Variants in UNC93A observed in about 807,000 individuals in gnomAD.
The protein encoded by UNC93A is unc-93 homolog A.
A neutral mutation model predicts 47.5 loss-of-function variants in UNC93A; 43 were observed. That is an observed-to-expected ratio of 0.91 (90% CI 0.71 to 1.17). The LOEUF is 1.17. UNC93A is among the 50% of genes most tolerant of loss of function. The pLI, the probability that UNC93A is intolerant of heterozygous loss-of-function variation, is 0.00. For synonymous variants in UNC93A, 280 were observed against 258.0 expected (o/e 1.09, Z -0.82); for missense variants, 605 against 577.6 (o/e 1.05, Z -0.49).
intron 1 of UNC93A, among the ~76,000 whole-genome samples, chr6:167,280,080 A>G (rs2346168): frequency 6.6e-6 from 1 of 152,168 alleles, no homozygotes; most frequent in Non-Finnish European, 1.5e-5. Flanking sequence ...TTTAGTTCCT[A>G]TCACTGGCCT....
intron 3 of UNC93A, among the ~76,000 whole-genome samples, chr6:167,297,664 A>C (rs1778126006): frequency 6.6e-6 from 1 of 152,202 alleles, no homozygotes; most frequent in Admixed American, 6.5e-5. Context: ...AAAAGCAGTA[A>C]AACAAGTAAC....
intron 1 of UNC93A, among the ~76,000 whole-genome samples, chr6:167,283,471 GA>G (rs1302314292): frequency 1.3e-5 from 2 of 152,174 alleles, no homozygotes; most frequent in Non-Finnish European, 2.9e-5. Context: ...TGGCTGAAAA[GA>G]GGGGTCCATT....
intron 6 of UNC93A, 145 bp downstream of exon 6, chr6:167,306,195 C>T: frequency 8.4e-7 from 1 of 1,191,294 alleles, no homozygotes; most frequent in Non-Finnish European, 1.2e-6. Flanking sequence ...TTCATTCTTT[C>T]AGTCCTTTCT....
chr6:167,270,915 C>T (rs62437259), upstream of UNC93A, among the ~76,000 whole-genome samples: 42,376 of 152,042 alleles, frequency 0.28, 6,080 homozygotes, highest in Non-Finnish European at 0.31. Context: ...CCTGTTGTGG[C>T]GACCTCAAGA....
intron 1 of UNC93A, among the ~76,000 whole-genome samples, chr6:167,275,193 G>A (rs891792296): frequency 6.6e-6 from 1 of 152,154 alleles, no homozygotes; most frequent in Non-Finnish European, 1.5e-5. Flanking sequence ...CTGGTTGCCT[G>A]CGAAACTCTG....
intron 5 of UNC93A, among the ~76,000 whole-genome samples, chr6:167,305,436 G>A (rs1031421036): frequency 6.6e-6 from 1 of 152,194 alleles, no homozygotes; most frequent in Admixed American, 6.5e-5. Flanking sequence ...CCGCCCTTGA[G>A]GTCGCCCGTG....
At chr6:167,301,490 T>C (rs1189888535) in intron 4 of UNC93A, among the ~76,000 whole-genome samples, 1 of 152,146 alleles carries the variant, frequency 6.6e-6, no homozygotes. Context: ...TGGGTAACTT[T>C]CCTGGGTTTC....
chr6:167,311,706 G>A (rs190589339), intron 7 of UNC93A, among the ~76,000 whole-genome samples: 9 of 152,264 alleles, frequency 5.9e-5, no homozygotes, highest in South Asian at 2.1e-4. Flanking sequence ...AGGCAGACAG[G>A]CCAGGCTGAG....
chr6:167,307,701 G>T, intron 6 of UNC93A, 78 bp from the exon 7 acceptor site: 1 of 1,574,124 alleles, frequency 6.4e-7, no homozygotes, highest in South Asian at 1.1e-5. Context: ...GGTTGCTCCA[G>T]CACTGACCCA....
At chr6:167,292,060 C>T (rs776875092) in intron 1 of UNC93A, among the ~76,000 whole-genome samples, 2 of 152,182 alleles carry the variant, frequency 1.3e-5, no homozygotes, top group Non-Finnish European at 2.9e-5. Context: ...ATGGCATGCT[C>T]TCCTCCATAG....
At chr6:167,284,684 G>C (rs1379184914) in intron 1 of UNC93A, among the ~76,000 whole-genome samples, 1 of 152,302 alleles carries the variant, frequency 6.6e-6, no homozygotes, top group African/African-American at 2.4e-5. Context: ...GGATATTGGG[G>C]ATTCCTTGGA....
Position 167,297,286 on chromosome 6 carries a change from C to T in UNC93A, c.500-659C>T, listed in dbSNP as rs542669916. 3.3e-5 allele frequency among the ~76,000 whole-genome samples: 5 copies of T among 151,386 alleles called. No individual in the cohort carries two copies. In the South Asian group the frequency reaches 1.1e-3, roughly 32 times the overall value. On this transcript the variant is annotated intron_variant, in intron 3 of 7. Transcript: ENST00000230256. ...CGTGTGCTTCTCCACCTTCTTGTAC[C>T]TTCTCTTATCAGCTGCACATCTCAC... is the stretch of plus-strand genomic sequence containing the variant.
upstream of UNC93A, among the ~76,000 whole-genome samples, chr6:167,288,781 C>T (rs1440864843): frequency 1.3e-5 from 2 of 152,148 alleles, no homozygotes; most frequent in East Asian, 3.9e-4. Context: ...GGTGATTCTA[C>T]AGCATGAAGA....
rs779535557 is a variant in UNC93A, at chr6:167,304,033, C to T, written c.740C>T (p.Ser247Leu). 22 of 1,613,816 alleles carry T rather than the reference C, an allele frequency of 1.4e-5. No homozygotes were observed. Among genetic ancestry groups the T allele is most frequent in the Middle Eastern group, 1.6e-4 (1 of 6,084 alleles). Residue 247 changes from serine to leucine, a missense_variant, in exon 5 of 8, where the codon TCG becomes TTG. Ser to Leu is a moderately radical substitution (Grantham distance 145). Transcript: ENST00000230256. ...KSVPFWSTLL[S>L]TFKLYRDKRL... is the part of the protein sequence containing the mutation. Reference sequence around the variant, plus strand: ...GTACCTTTCTGGTCCACTTTACTGTCGACTTTCAAGCTATATAGAGATAAA... The same window carrying T: ...GTACCTTTCTGGTCCACTTTACTGTTGACTTTCAAGCTATATAGAGATAAA...
Position 167,296,057 on chromosome 6 carries a change from C to T in UNC93A, c.295C>T (p.Leu99=), listed in dbSNP as rs781667151. 30 of 1,614,100 alleles carry T rather than the reference C, an allele frequency of 1.9e-5. No homozygotes were observed. Among genetic ancestry groups the T allele is most frequent in the Non-Finnish European group, 2.5e-5 (29 of 1,180,056 alleles). Residue 99 remains leucine, a synonymous_variant, in exon 3 of 8, where the codon CTG becomes TTG. Coordinates refer to ENST00000230256, the MANE Select transcript of UNC93A (RefSeq NM_018974.4). ...GTACACTTTGATCCCCACCTCCATA[C>T]TGCTGGGACTCGGGGCCGCCCCGCT... ...SWYTLIPTSI[L]LGLGAAPLWS... is the part of the protein sequence containing the mutation.
chr6:167,295,655 C>CCCTCGTGCTCCTCGCCTG (rs1778056545), intron 2 of UNC93A, among the ~76,000 whole-genome samples: 10 of 69,832 alleles, frequency 1.4e-4, no homozygotes, highest in East Asian at 6.2e-4. Flanking sequence ...CTCCTCGCCT[C>CCCTCGTGCTCCTCGCCTG]CCTCGTGATC....
In UNC93A at chr6:167,297,923, C is replaced by T. The variant is rs776855014; in HGVS notation, c.500-22C>T. On this transcript the variant is annotated intron_variant, in intron 3 of 7. Transcript: ENST00000230256. ...TCACATTTGCCGTCATCTCATGTCT[C>T]CTGTCCACTCTGACTTCATAGAGAC... is the stretch of plus-strand genomic sequence containing the variant. The T allele has an allele frequency of 3.1e-6, 5 of 1,612,334 alleles. No homozygotes were observed. In the South Asian group the frequency reaches 4.4e-5, roughly 14 times the overall value.
chr6:167,284,340 A>G (rs912019192), intron 1 of UNC93A, among the ~76,000 whole-genome samples: 11 of 151,966 alleles, frequency 7.2e-5, no homozygotes, highest in African/African-American at 2.7e-4. Flanking sequence ...AGTGCATGAC[A>G]TGCAGTTGGT....
chr6:167,283,493 C>A (rs6935358), intron 1 of UNC93A, among the ~76,000 whole-genome samples: 1 of 152,024 alleles, frequency 6.6e-6, no homozygotes. Flanking sequence ...CAGTCCGTTG[C>A]GGGTCTTACA....
Sources: gnomAD v4.1 joint callset for allele counts (sites outside exome capture counted in the v4.1 genomes callset) on GRCh38, gnomAD v4.1.1 for gene constraint, MANE v1.5 for transcripts, NCBI Gene and HGNC (gene_info 2026-07-23, HGNC 2026-07-21) for gene names.